Variants in SGCZ observed in about 807,000 individuals in gnomAD.
The protein encoded by SGCZ is sarcoglycan zeta, also known as zeta-sarcoglycan.
Under a neutral mutation model 41.3 loss-of-function variants are expected in SGCZ, and 40 were observed. That is an observed-to-expected ratio of 0.97 (90% CI 0.75 to 1.26). The LOEUF (loss-of-function observed/expected upper bound fraction) is 1.26, where lower values mean the gene tolerates loss of function less well. Ranked by LOEUF, SGCZ falls within the 50% of genes most tolerant of loss-of-function variation. The probability of loss-of-function intolerance (pLI) is 0.00; values close to 1 mark genes in which losing one functional copy is unlikely to be tolerated. For synonymous variants in SGCZ, 206 were observed against 137.5 expected (o/e 1.50, Z -3.49); for missense variants, 552 against 369.8 (o/e 1.49, Z -4.04).
chr8:14,273,511 G>A (rs181819403), intron 3 of SGCZ, among the ~76,000 whole-genome samples: 1 of 152,204 alleles, frequency 6.6e-6, no homozygotes, highest in East Asian at 1.9e-4. Flanking sequence ...TCTTCTGATG[G>A]ATTTCCCAAT....
intron 2 of SGCZ, among the ~76,000 whole-genome samples, chr8:14,350,227 A>C: frequency 6.6e-6 from 1 of 151,296 alleles, no homozygotes; most frequent in East Asian, 2.0e-4. Flanking sequence ...TATATTCAAT[A>C]ATCTTAAGGA....
chr8:14,228,577 A>T (rs1806453768), intron 4 of SGCZ, among the ~76,000 whole-genome samples: 1 of 152,082 alleles, frequency 6.6e-6, no homozygotes, highest in Admixed American at 6.6e-5. Context: ...TGTGCACTTA[A>T]GAAATAATTA....
At chr8:14,487,333 T>TA (rs1246165819) in intron 2 of SGCZ, among the ~76,000 whole-genome samples, 1 of 152,190 alleles carries the variant, frequency 6.6e-6, no homozygotes, top group Non-Finnish European at 1.5e-5. Context: ...TGTTGATTTT[T>TA]AAAAAATAAT....
chr8:14,892,603 T>G (rs180881810), intron 1 of SGCZ, among the ~76,000 whole-genome samples: 8 of 152,322 alleles, frequency 5.3e-5, no homozygotes, highest in Admixed American at 5.2e-4. Flanking sequence ...AATACATCAT[T>G]AAATTTTACA....
intron 1 of SGCZ, among the ~76,000 whole-genome samples, chr8:14,736,128 CA>C (rs1016009749): frequency 7.2e-5 from 11 of 152,056 alleles, no homozygotes; most frequent in South Asian, 6.2e-4. Context: ...AATATTTTTC[CA>C]AATCATGCTC....
At chr8:15,159,744 T>G (rs192392981) in intron 1 of SGCZ, among the ~76,000 whole-genome samples, 2 of 4,982 alleles carry the variant, frequency 4.0e-4, no homozygotes, top group Admixed American at 1.7e-3. Context: ...CCCCCCACCC[T>G]CCCCCCCACC....
At chr8:14,659,594 A>G (rs968706591) in intron 1 of SGCZ, among the ~76,000 whole-genome samples, 2 of 152,200 alleles carry the variant, frequency 1.3e-5, no homozygotes, top group African/African-American at 4.8e-5. Flanking sequence ...CCATTCCAAA[A>G]TATTCTATTT....
intron 2 of SGCZ, among the ~76,000 whole-genome samples, chr8:14,350,924 C>A (rs1324475942): frequency 6.6e-6 from 1 of 152,060 alleles, no homozygotes; most frequent in Non-Finnish European, 1.5e-5. Flanking sequence ...TAAATATATT[C>A]ACTGCTAATA....
chr8:14,655,933 T>C (rs11778242), intron 1 of SGCZ, among the ~76,000 whole-genome samples: 59,697 of 151,950 alleles, frequency 0.39, 12,842 homozygotes, highest in Non-Finnish European at 0.5. Flanking sequence ...GTATTTCAAG[T>C]ATTGCTCCTT....
At chr8:14,481,563 GTTTACTGT>G (rs1234822598) in intron 2 of SGCZ, among the ~76,000 whole-genome samples, 2 of 152,048 alleles carry the variant, frequency 1.3e-5, no homozygotes, top group African/African-American at 4.8e-5. Context: ...TTATGGCTGA[GTTTACTGT>G]TTTATTTTAT....
intron 1 of SGCZ, among the ~76,000 whole-genome samples, chr8:15,159,532 T>C (rs577917668): frequency 1.3e-5 from 2 of 152,108 alleles, no homozygotes; most frequent in Non-Finnish European, 2.9e-5. Flanking sequence ...TCCAGGTAGA[T>C]GCTGCCAGAG....
chr8:14,420,391 A>T (rs892149982), intron 2 of SGCZ, among the ~76,000 whole-genome samples: 1 of 152,076 alleles, frequency 6.6e-6, no homozygotes, highest in Admixed American at 6.6e-5. Context: ...GTCTGTGCTG[A>T]CGTCTCAACT....
intron 1 of SGCZ, among the ~76,000 whole-genome samples, chr8:15,113,076 G>T (rs932174963): frequency 5.3e-5 from 8 of 152,034 alleles, no homozygotes; most frequent in Admixed American, 4.6e-4. Context: ...AGATGTGGTT[G>T]TGAGCGCCTG....
chr8:14,721,088 T>G (rs1809870583), intron 1 of SGCZ, among the ~76,000 whole-genome samples: 1 of 152,166 alleles, frequency 6.6e-6, no homozygotes, highest in East Asian at 1.9e-4. Context: ...TCTTTGCACT[T>G]CTGGGACTGT....
chr8:14,320,656 C>G (rs1801887230), intron 3 of SGCZ, among the ~76,000 whole-genome samples: 1 of 152,002 alleles, frequency 6.6e-6, no homozygotes, highest in Non-Finnish European at 1.5e-5. Context: ...CTTATTCACA[C>G]CTCTGCTAAC....
At chr8:14,177,958 C>CTTTTTTTTTTTTTTTTTTTTTTTTT (rs147303437) in intron 4 of SGCZ, among the ~76,000 whole-genome samples, 3 of 95,050 alleles carry the variant, frequency 3.2e-5, no homozygotes, top group African/African-American at 7.4e-5. Flanking sequence ...CTTTTTTTTT[C>CTTTTTTTTTTTTTTTTTTTTTTTTT]TTTTTTTTTT....
At chr8:14,780,788 G>C (rs2252948) in intron 1 of SGCZ, among the ~76,000 whole-genome samples, 1 of 152,036 alleles carries the variant, frequency 6.6e-6, no homozygotes, top group Admixed American at 6.6e-5. Context: ...TGTTTTCTTA[G>C]TGAAATTAGA....
At chr8:15,189,832 T>G (rs1056722295) in intron 1 of SGCZ, among the ~76,000 whole-genome samples, 1 of 152,184 alleles carries the variant, frequency 6.6e-6, no homozygotes, top group Non-Finnish European at 1.5e-5. Context: ...ATTACAGGCA[T>G]GAGCCACCAC....
intron 1 of SGCZ, among the ~76,000 whole-genome samples, chr8:14,906,580 A>G (rs1799125982): frequency 6.6e-6 from 1 of 152,196 alleles, no homozygotes. Flanking sequence ...GGCTTCTAAG[A>G]TGTTTGAAAC....
Sources: allele counts gnomAD v4.1 joint callset (sites outside exome capture counted in the v4.1 genomes callset), GRCh38; gene constraint gnomAD v4.1.1; transcripts MANE v1.5; gene names NCBI Gene and HGNC (gene_info 2026-07-23, HGNC 2026-07-21).